The following MECOM variants were observed in gnomAD, a reference collection of about 807,000 sequenced individuals.
MECOM encodes MDS1 and EVI1 complex locus.
MECOM carries 13 observed loss-of-function variants against 116.3 expected under a neutral mutation model. The observed-to-expected ratio is 0.11, with a 90% CI of 0.07 to 0.18. The LOEUF (loss-of-function observed/expected upper bound fraction) is 0.18, where lower values mean the gene tolerates loss of function less well. MECOM is among the 10% of genes least tolerant of loss of function. The pLI is 1.00. For synonymous variants in MECOM, 528 were observed against 535.2 expected (o/e 0.99, Z 0.19); for missense variants, 1,299 against 1,509.0 (o/e 0.86, Z 2.31).
intron 2 of MECOM, among the ~76,000 whole-genome samples, chr3:169,163,206 CA>C (rs1743098231): frequency 1.3e-5 from 2 of 152,102 alleles, no homozygotes; most frequent in South Asian, 4.1e-4. Flanking sequence ...GATATCCATT[CA>C]TTTTTTTTCT....
chr3:169,232,612 AT>A (rs1477280946), intron 2 of MECOM, among the ~76,000 whole-genome samples: 1 of 151,304 alleles, frequency 6.6e-6, no homozygotes. Context: ...CTATGGCCCC[AT>A]TTTACATAGG....
intron 2 of MECOM, among the ~76,000 whole-genome samples, chr3:169,268,763 C>G (rs967902137): frequency 1.3e-5 from 2 of 152,132 alleles, no homozygotes; most frequent in Non-Finnish European, 2.9e-5. Context: ...AGACGTCTTC[C>G]CTATAGCCAA....
chr3:169,408,529 C>T (rs922507201), intron 1 of MECOM, among the ~76,000 whole-genome samples: 2 of 152,202 alleles, frequency 1.3e-5, no homozygotes, highest in Admixed American at 6.5e-5. Context: ...GAAGAGTTCT[C>T]ACTAAGAAGT....
chr3:169,504,567 A>G (rs919923416), intron 1 of MECOM, among the ~76,000 whole-genome samples: 8 of 152,194 alleles, frequency 5.3e-5, no homozygotes, highest in Non-Finnish European at 8.8e-5. Flanking sequence ...CATAAACCAG[A>G]TTCCACACTC....
At chr3:169,085,222 T>G (rs1717284061) in intron 16 of MECOM, among the ~76,000 whole-genome samples, 179 bp from the exon 17 acceptor site, 1 of 152,178 alleles carries the variant, frequency 6.6e-6, no homozygotes. Context: ...TGCTGGCCTT[T>G]AGTGCCTAGG....
At chr3:169,452,215 C>G (rs183020108) in intron 1 of MECOM, among the ~76,000 whole-genome samples, 10 of 152,110 alleles carry the variant, frequency 6.6e-5, no homozygotes, top group African/African-American at 2.4e-4. Flanking sequence ...CAGAGCAAAG[C>G]TGATTTCTTT....
At chr3:169,568,223 C>T (rs116139771) in intron 1 of MECOM, among the ~76,000 whole-genome samples, 7,713 of 152,232 alleles carry the variant, frequency 0.051, 436 homozygotes, top group East Asian at 0.33. Flanking sequence ...CTTCACAACC[C>T]GCAGACCAGG....
chr3:169,133,843 A>G, intron 3 of MECOM: 1 of 1,035,708 alleles, frequency 9.7e-7, no homozygotes, highest in South Asian at 1.3e-5. Context: ...ACTTATAAGT[A>G]CACTGTTTCA....
rs140098039 is a variant in MECOM at position 169,102,450 on chromosome 3, T to C, written c.2605-224A>G. Among the ~76,000 whole-genome samples, 3 of 152,332 alleles carry C rather than the reference T, an allele frequency of 2.0e-5. No homozygotes were observed. In the East Asian group the frequency reaches 5.8e-4, roughly 29 times the overall value. On this transcript the variant is annotated intron_variant, in intron 10 of 16. Coordinates refer to ENST00000651503, the MANE Select transcript of MECOM (RefSeq NM_004991.4). ...TAAAATGCTGAGCGAACTTTTTCCA[T>C]AAGACCTTGGTTAGGCCATTTTATC...
chr3:169,372,640 G>C (rs1730334685), intron 2 of MECOM, among the ~76,000 whole-genome samples: 1 of 151,896 alleles, frequency 6.6e-6, no homozygotes, highest in Non-Finnish European at 1.5e-5. Flanking sequence ...ATAATAATTG[G>C]CTTTTGCCCT....
chr3:169,659,787 T>C (rs1016614238), intron 1 of MECOM, among the ~76,000 whole-genome samples: 1 of 152,026 alleles, frequency 6.6e-6, no homozygotes, highest in Non-Finnish European at 1.5e-5. Context: ...GTTGTTTTGT[T>C]GTGTTTATCT....
At chr3:169,272,676 T>C (rs961663222) in intron 2 of MECOM, among the ~76,000 whole-genome samples, 10 of 152,076 alleles carry the variant, frequency 6.6e-5, no homozygotes, top group African/African-American at 1.9e-4. Context: ...CCAATAAGAA[T>C]GTTAAGAAAG....
chr3:169,320,068 A>G (rs1424847476), intron 2 of MECOM, among the ~76,000 whole-genome samples: 2 of 152,232 alleles, frequency 1.3e-5, no homozygotes, highest in Non-Finnish European at 2.9e-5. Context: ...AATAGTAGAT[A>G]AAGAAATGGA....
intron 2 of MECOM, among the ~76,000 whole-genome samples, chr3:169,211,026 A>G (rs1050411986): frequency 6.6e-6 from 1 of 152,146 alleles, no homozygotes; most frequent in Non-Finnish European, 1.5e-5. Context: ...CTATTAATGG[A>G]TATTTGTGCA....
intron 1 of MECOM, among the ~76,000 whole-genome samples, chr3:169,528,216 T>C (rs1316045958): frequency 2.0e-5 from 3 of 152,228 alleles, no homozygotes; most frequent in African/African-American, 7.2e-5. Context: ...TTTCAGATGA[T>C]ATAAATGTAA....
intron 2 of MECOM, among the ~76,000 whole-genome samples, chr3:169,155,425 A>T (rs568617597): frequency 5.8e-4 from 89 of 152,162 alleles, no homozygotes; most frequent in African/African-American, 2.0e-3. Context: ...TTGGTCTGTT[A>T]AACTGTTTCT....
intron 1 of MECOM, among the ~76,000 whole-genome samples, chr3:169,567,497 C>T (rs1362335782): frequency 6.6e-6 from 1 of 152,038 alleles, no homozygotes; most frequent in Non-Finnish European, 1.5e-5. Flanking sequence ...GTAATATTGC[C>T]CTGAATAGGA....
chr3:169,129,309 T>A (rs563372159), intron 4 of MECOM, among the ~76,000 whole-genome samples: 2 of 151,856 alleles, frequency 1.3e-5, no homozygotes, highest in South Asian at 4.2e-4. Context: ...AAAATGAAGC[T>A]GGAGGGGGTG....
intron 2 of MECOM, among the ~76,000 whole-genome samples, chr3:169,281,139 A>G (rs551299039): frequency 3.3e-4 from 51 of 152,330 alleles, no homozygotes; most frequent in African/African-American, 1.2e-3. Flanking sequence ...GAAAAGCATT[A>G]TCACCTACTG....
Sources: gnomAD v4.1 joint callset for allele counts (sites outside exome capture counted in the v4.1 genomes callset) on GRCh38, gnomAD v4.1.1 for gene constraint, MANE v1.5 for transcripts, NCBI Gene and HGNC (gene_info 2026-07-23, HGNC 2026-07-21) for gene names.